The following ETV6 variants were observed in gnomAD, a reference collection of about 807,000 sequenced individuals.
ETV6 encodes transcription factor ETV6.
ETV6 carries 16 observed loss-of-function variants against 51.1 expected under a neutral mutation model. That is an observed-to-expected ratio of 0.31 (90% CI 0.21 to 0.48). The LOEUF is 0.48. ETV6 is among the 20% of genes least tolerant of loss of function. The pLI, the probability that ETV6 is intolerant of heterozygous loss-of-function variation, is 0.99. For missense variants in ETV6, 458 were observed against 594.8 expected (o/e 0.77, Z 2.39); for synonymous variants, 240 against 224.1 (o/e 1.07, Z -0.64).
At chr12:11,763,719 C>T (rs1280869936) in intron 2 of ETV6, among the ~76,000 whole-genome samples, 2 of 152,208 alleles carry the variant, frequency 1.3e-5, no homozygotes, top group Non-Finnish European at 2.9e-5. Flanking sequence ...CGATTCCTGC[C>T]ACCCCAGTGA....
rs116979866 is a variant in ETV6, at chr12:11,782,893, G to T, written c.163+30314G>T. Among the ~76,000 whole-genome samples the T allele has an allele frequency of 4.6e-3, 701 of 152,288 alleles. 1 individual carries two copies. The highest frequency in any genetic ancestry group is 6.5e-3 in the Non-Finnish European group (440 of 68,020). ...ATTATAAGTATACATCTATTGACTG[G>T]CTAAAGAAGAAAAGATGACTAGGGT... On this transcript the variant is annotated intron_variant, in intron 2 of 7. Coordinates refer to ENST00000396373, the MANE Select transcript of ETV6 (RefSeq NM_001987.5).
At position 11,676,157 on chromosome 12, in the gene ETV6, A is replaced by G. The variant is rs540512759; in HGVS notation, c.33+25997A>G. 6.6e-5 allele frequency among the ~76,000 whole-genome samples: 10 copies of G among 152,336 alleles called. No individual in the cohort carries two copies. The East Asian group carries it at 1.9e-3, about 29-fold the overall frequency. On this transcript the variant is annotated intron_variant, in intron 1 of 7. Coordinates refer to ENST00000396373, the MANE Select transcript of ETV6 (RefSeq NM_001987.5). ...CTGATGGCTTTGGAGAGGACAGCAG[A>G]CAGTCATTAGAGACTAGAAGCTGCC... is the stretch of plus-strand genomic sequence containing the variant.
intron 3 of ETV6, among the ~76,000 whole-genome samples, chr12:11,840,204 C>T (rs2855741): frequency 6.6e-6 from 1 of 151,934 alleles, no homozygotes; most frequent in South Asian, 2.1e-4. Flanking sequence ...GAAAGCTTGT[C>T]TAATTAAGGG....
chr12:11,886,160 A>G, intron 7 of ETV6, 134 bp downstream of exon 7: 2 of 680,458 alleles, frequency 2.9e-6, no homozygotes, highest in South Asian at 1.8e-5. Flanking sequence ...TACAAACTGG[A>G]TACCAGGTAC....
chr12:11,752,724 C>A lies in ETV6; in HGVS notation c.163+145C>A, dbSNP rs560413034. ...GCTGCTTTGGAATCTTTCACACCCC[C>A]CTACCCCCAGATACCTTTGAAAAAT... On this transcript the variant is annotated intron_variant, in intron 2 of 7. Coordinates refer to ENST00000396373, the MANE Select transcript of ETV6 (RefSeq NM_001987.5). The A allele has an allele frequency of 6.6e-6, 7 of 1,057,626 alleles. No individual in the cohort carries two copies. In the East Asian group the frequency reaches 1.3e-4, roughly 19 times the overall value. The allele number at this position is 1,057,626 out of a possible 1,614,324, so 65.5% of individuals were successfully genotyped here. A position where few individuals can be genotyped will look rare whatever the true frequency, so the allele number is the denominator to read the frequency against.
At position 11,891,696 on chromosome 12, in the gene ETV6, C is replaced by A. The variant is rs925755275; in HGVS notation, c.*650C>A. On this transcript the variant is annotated 3_prime_UTR_variant, in exon 8 of 8. Coordinates refer to ENST00000396373, the MANE Select transcript of ETV6 (RefSeq NM_001987.5). ...CTTCCCTTGGTCCCCTCTGTCCTCC[C>A]GCCCTGCCTGCAGTTGAGATTCAGA... is the stretch of plus-strand genomic sequence containing the variant. The A allele has an allele frequency of 2.1e-6, 1 of 472,682 alleles. No homozygotes were observed. The highest frequency in any genetic ancestry group is 4.0e-6 in the Non-Finnish European group (1 of 247,220). The allele number at this position is 472,682 out of a possible 1,614,324, so 29.3% of individuals were successfully genotyped here.
chr12:11,738,170 TTTGCTTGC>T lies in ETV6; in HGVS notation c.34-14257_34-14250del, dbSNP rs760732066. Among the ~76,000 whole-genome samples, 723 of 151,832 alleles carry T rather than the reference TTTGCTTGC, an allele frequency of 4.8e-3. 3 individuals are homozygous for T. The highest frequency in any genetic ancestry group is 0.011 in the South Asian group (52 of 4,794). ...TAGAAAGCCTATGCTGCTCTGCTAG[TTTGCTTGC>T]TTGCTTGCTTGCTTGCTTGCTTTCT... On this transcript the variant is annotated intron_variant, in intron 1 of 7. Coordinates refer to ENST00000396373, the MANE Select transcript of ETV6 (RefSeq NM_001987.5).
chr12:11,830,917 G>T (rs1946234898), intron 2 of ETV6, among the ~76,000 whole-genome samples: 1 of 152,316 alleles, frequency 6.6e-6, no homozygotes, highest in Admixed American at 6.5e-5. Context: ...ATAAAAACAT[G>T]ATTTTAGGAT....
intron 1 of ETV6, among the ~76,000 whole-genome samples, chr12:11,679,690 G>A (rs1864489492): frequency 6.6e-6 from 1 of 152,202 alleles, no homozygotes; most frequent in South Asian, 2.1e-4. Flanking sequence ...ACAGGGAAAT[G>A]GCACATTTAG....
chr12:11,712,974 T>A (rs1865201120), intron 1 of ETV6, among the ~76,000 whole-genome samples: 1 of 152,162 alleles, frequency 6.6e-6, no homozygotes, highest in Admixed American at 6.5e-5. Context: ...TCCTCACTGT[T>A]ACCCTTTTCC....
At chr12:11,829,570 G>A (rs796233067) in intron 2 of ETV6, among the ~76,000 whole-genome samples, 32 of 152,296 alleles carry the variant, frequency 2.1e-4, no homozygotes, top group African/African-American at 7.7e-4. Context: ...TCTAAGTCAC[G>A]TTTGTGAGGC....
At chr12:11,799,621 AAACC>A (rs936519908) in intron 2 of ETV6, among the ~76,000 whole-genome samples, 32 of 152,328 alleles carry the variant, frequency 2.1e-4, no homozygotes, top group African/African-American at 7.0e-4. Context: ...AGCACAATCA[AAACC>A]AACAGGAGAA....
intron 2 of ETV6, among the ~76,000 whole-genome samples, chr12:11,824,333 C>G (rs1228427319): frequency 6.6e-6 from 1 of 152,178 alleles, no homozygotes; most frequent in Non-Finnish European, 1.5e-5. Flanking sequence ...TGGTTTTGCT[C>G]GTTCCTATAG....
intron 2 of ETV6, among the ~76,000 whole-genome samples, chr12:11,777,745 CT>C (rs922927880): frequency 2.6e-5 from 4 of 152,176 alleles, no homozygotes; most frequent in Admixed American, 6.5e-5. Flanking sequence ...ACCCTTCCCC[CT>C]GACCCACCTC....
intron 2 of ETV6, among the ~76,000 whole-genome samples, chr12:11,834,842 T>C (rs967043833): frequency 6.6e-6 from 1 of 152,194 alleles, no homozygotes; most frequent in Non-Finnish European, 1.5e-5. Context: ...CATGAAACCC[T>C]GAAGGGAATA....
intron 2 of ETV6, among the ~76,000 whole-genome samples, chr12:11,791,453 GA>G (rs1388630948): frequency 4.6e-5 from 7 of 152,184 alleles, no homozygotes; most frequent in African/African-American, 1.7e-4. Flanking sequence ...TTTGTCCATT[GA>G]AATTGTTGTC....
chr12:11,879,362 T>C (rs1947050294), intron 5 of ETV6, among the ~76,000 whole-genome samples: 1 of 152,232 alleles, frequency 6.6e-6, no homozygotes, highest in Admixed American at 6.5e-5. Flanking sequence ...ACTTTCCTAC[T>C]CAAAGTTTTT....
intron 2 of ETV6, among the ~76,000 whole-genome samples, chr12:11,815,444 G>A (rs1323806257): frequency 3.3e-5 from 5 of 152,230 alleles, no homozygotes; most frequent in Admixed American, 6.5e-5. Flanking sequence ...TGCCACCTCT[G>A]ATTTGCAAGT....
intron 2 of ETV6, among the ~76,000 whole-genome samples, chr12:11,773,898 T>C (rs1038478554): frequency 7.2e-5 from 11 of 152,132 alleles, no homozygotes; most frequent in African/African-American, 2.2e-4. Context: ...GACCTGAACA[T>C]TGGGGAAATG....
Sources: gnomAD v4.1 joint callset for allele counts (sites outside exome capture counted in the v4.1 genomes callset) on GRCh38, gnomAD v4.1.1 for gene constraint, MANE v1.5 for transcripts, NCBI Gene and HGNC (gene_info 2026-07-23, HGNC 2026-07-21) for gene names.